The following LINGO2 variants were observed in gnomAD, a reference collection of about 807,000 sequenced individuals.
The protein encoded by LINGO2 is leucine-rich repeat and immunoglobulin-like domain-containing nogo receptor-interacting protein 2.
A neutral mutation model predicts 30.6 loss-of-function variants in LINGO2; 14 were observed. That is an observed-to-expected ratio of 0.46 (90% CI 0.30 to 0.72). The LOEUF (loss-of-function observed/expected upper bound fraction) is 0.72. LINGO2 is among the 30% of genes least tolerant of loss of function. The pLI is 0.07. For missense variants in LINGO2, 729 were observed against 751.7 expected (o/e 0.97, Z 0.35); for synonymous variants, 317 against 288.5 (o/e 1.10, Z -1.00).
chr9:28,094,476 A>C (rs2133281485), intron 4 of LINGO2, among the ~76,000 whole-genome samples: 1 of 151,974 alleles, frequency 6.6e-6, no homozygotes, highest in South Asian at 2.1e-4. Context: ...GTTGAGCTGT[A>C]TTTTGCATGA....
At chr9:28,093,035 C>T (rs940544410) in intron 4 of LINGO2, among the ~76,000 whole-genome samples, 1 of 152,028 alleles carries the variant, frequency 6.6e-6, no homozygotes, top group Non-Finnish European at 1.5e-5. Flanking sequence ...GTCACACAGA[C>T]TTAGCAAGTT....
At chr9:28,910,060 T>C in the LINGO2 span, among the ~76,000 whole-genome samples, 1 of 152,050 alleles carries the variant, frequency 6.6e-6, no homozygotes, top group Non-Finnish European at 1.5e-5. Flanking sequence ...AAAATGAACT[T>C]CCTCCTCTAA....
intron 2 of LINGO2, among the ~76,000 whole-genome samples, chr9:28,419,998 C>A (rs1253302121): frequency 1.3e-5 from 2 of 151,988 alleles, no homozygotes; most frequent in Non-Finnish European, 2.9e-5. Context: ...CATCAAATGA[C>A]ACATTTGAAT....
the LINGO2 span, among the ~76,000 whole-genome samples, chr9:29,166,411 T>A: frequency 6.6e-6 from 1 of 152,040 alleles, no homozygotes; most frequent in East Asian, 1.9e-4. Context: ...ACAGAAACCA[T>A]CTTGGACAGA....
At chr9:28,200,366 T>A (rs1047709806) in intron 4 of LINGO2, among the ~76,000 whole-genome samples, 1 of 152,096 alleles carries the variant, frequency 6.6e-6, no homozygotes, top group Admixed American at 6.6e-5. Context: ...GCCTCCAAAT[T>A]TGGAAGAATA....
intron 4 of LINGO2, among the ~76,000 whole-genome samples, chr9:28,111,763 C>T (rs911535971): frequency 6.6e-6 from 1 of 152,132 alleles, no homozygotes; most frequent in South Asian, 2.1e-4. Context: ...TTATTAAAAC[C>T]AGGAAAGAAT....
the LINGO2 span, among the ~76,000 whole-genome samples, chr9:29,007,260 T>C: frequency 5.9e-5 from 9 of 152,166 alleles, no homozygotes; most frequent in Middle Eastern, 3.4e-3. Context: ...CCCAGTAAAA[T>C]ACAGAAGCCA....
At chr9:28,000,654 T>C (rs953543569) in intron 5 of LINGO2, among the ~76,000 whole-genome samples, 2 of 152,238 alleles carry the variant, frequency 1.3e-5, no homozygotes, top group African/African-American at 2.4e-5. Context: ...TCTGACACAG[T>C]GATAAGCTCT....
At chr9:28,375,089 AACACACACACACACACACACACACAC>A (rs137914726) in intron 2 of LINGO2, among the ~76,000 whole-genome samples, 35 of 141,820 alleles carry the variant, frequency 2.5e-4, no homozygotes, top group African/African-American at 3.0e-4. Context: ...CACACCCCTT[AACACACACACACACACACACACACAC>A]ACACACACAC....
At chr9:28,767,143 G>T in the LINGO2 span, among the ~76,000 whole-genome samples, 1 of 152,170 alleles carries the variant, frequency 6.6e-6, no homozygotes, top group Non-Finnish European at 1.5e-5. Context: ...AGTTATGTAG[G>T]ATGAATAAGT....
the LINGO2 span, among the ~76,000 whole-genome samples, chr9:28,808,237 T>G: frequency 6.6e-6 from 1 of 152,196 alleles, no homozygotes; most frequent in Non-Finnish European, 1.5e-5. Context: ...CCTTAGTCAT[T>G]CATCCTCAGC....
chr9:28,036,871 TAGCTCAGCCTC>T (rs1331618814), intron 4 of LINGO2, among the ~76,000 whole-genome samples: 2 of 152,178 alleles, frequency 1.3e-5, no homozygotes, highest in African/African-American at 4.8e-5. Context: ...ATATAATGAC[TAGCTCAGCCTC>T]AACAAAAGGT....
intron 1 of LINGO2, among the ~76,000 whole-genome samples, chr9:28,552,073 C>T (rs1822315566): frequency 6.6e-6 from 1 of 151,882 alleles, no homozygotes; most frequent in Admixed American, 6.6e-5. Flanking sequence ...GTCATTTAAT[C>T]CTTTGCCCCC....
the LINGO2 span, among the ~76,000 whole-genome samples, chr9:28,840,709 G>A: frequency 6.6e-6 from 1 of 151,914 alleles, no homozygotes; most frequent in South Asian, 2.1e-4. Context: ...AAAATCTGTA[G>A]AATGGCATAT....
intron 4 of LINGO2, among the ~76,000 whole-genome samples, chr9:28,056,336 G>T (rs1824941308): frequency 6.6e-6 from 1 of 152,136 alleles, no homozygotes; most frequent in African/African-American, 2.4e-5. Context: ...ATGAGAAACA[G>T]TTTGCTGTTT....
At chr9:28,992,215 C>A in the LINGO2 span, among the ~76,000 whole-genome samples, 5 of 151,682 alleles carry the variant, frequency 3.3e-5, no homozygotes, top group African/African-American at 9.7e-5. Context: ...GGGTTGCAAT[C>A]CTAGTCTCTG....
chr9:28,004,275 A>AT (rs1393237430), intron 5 of LINGO2, among the ~76,000 whole-genome samples: 45 of 152,262 alleles, frequency 3.0e-4, no homozygotes, highest in African/African-American at 1.0e-3. Context: ...ACCAGGCAAG[A>AT]TAAATTATAT....
At chr9:28,560,677 A>G (rs189233982) in intron 1 of LINGO2, among the ~76,000 whole-genome samples, 59 of 151,674 alleles carry the variant, frequency 3.9e-4, no homozygotes, top group African/African-American at 1.1e-3. Context: ...TTATTTATAT[A>G]TTTTTTTGAG....
the LINGO2 span, among the ~76,000 whole-genome samples, chr9:29,078,337 T>C: frequency 3.9e-5 from 6 of 152,038 alleles, no homozygotes; most frequent in East Asian, 1.2e-3. Context: ...ATAACTTGTT[T>C]AGGAAATGAA....
Sources: allele counts gnomAD v4.1 joint callset (sites outside exome capture counted in the v4.1 genomes callset), GRCh38; gene constraint gnomAD v4.1.1; transcripts MANE v1.5; gene names NCBI Gene and HGNC (gene_info 2026-07-23, HGNC 2026-07-21).